The following CD38 variants were observed in gnomAD, a reference collection of about 807,000 sequenced individuals.
CD38 encodes CD38 molecule, also known as ADP-ribosyl cyclase/cyclic ADP-ribose hydrolase 1.
A neutral mutation model predicts 36.3 loss-of-function variants in CD38; 31 were observed. That is an observed-to-expected ratio of 0.85 (90% CI 0.64 to 1.15). The LOEUF is 1.15. Among genes scored for constraint, CD38 ranks in the 50% most tolerant of loss-of-function variants. The pLI, the probability that CD38 is intolerant of heterozygous loss-of-function variation, is 0.00. For synonymous variants in CD38, 131 were observed against 135.2 expected (o/e 0.97, Z 0.22); for missense variants, 380 against 371.9 (o/e 1.02, Z -0.18).
intron 1 of CD38, among the ~76,000 whole-genome samples, chr4:15,798,529 A>G (rs1723147894): frequency 6.6e-6 from 1 of 152,238 alleles, no homozygotes; most frequent in African/African-American, 2.4e-5. Flanking sequence ...GGTATAAAAG[A>G]GGCTTGAGAA....
At chr4:15,816,022 CAT>C (rs1409079063) in intron 1 of CD38, among the ~76,000 whole-genome samples, 23 of 152,082 alleles carry the variant, frequency 1.5e-4, no homozygotes, top group African/African-American at 5.3e-4. Flanking sequence ...TTGAGATAAT[CAT>C]GTGATTTTTT....
chr4:15,818,347 C>A (rs528200755), intron 2 of CD38, among the ~76,000 whole-genome samples: 1 of 152,172 alleles, frequency 6.6e-6, no homozygotes, highest in Non-Finnish European at 1.5e-5. Context: ...CAGGGGCTTA[C>A]AGACAAAACC....
chr4:15,825,057 G>T, intron 3 of CD38, 41 bp downstream of exon 3: 1 of 1,564,942 alleles, frequency 6.4e-7, no homozygotes, highest in East Asian at 2.4e-5. Flanking sequence ...GGGATGTGGA[G>T]GGTGAACAGA....
chr4:15,790,147 C>CTCTCCT (rs1722931348), intron 1 of CD38, among the ~76,000 whole-genome samples: 1 of 45,196 alleles, frequency 2.2e-5, no homozygotes, highest in Non-Finnish European at 3.8e-5. Context: ...CTCCCTCTCC[C>CTCTCCT]TCTCCCTCTC....
chr4:15,802,016 G>A (rs1243274016), intron 1 of CD38, among the ~76,000 whole-genome samples: 3 of 152,090 alleles, frequency 2.0e-5, no homozygotes, highest in African/African-American at 7.2e-5. Context: ...GACCATGTTT[G>A]CAGATGACAT....
chr4:15,816,297 G>A (rs1723592308), intron 1 of CD38, among the ~76,000 whole-genome samples: 1 of 152,098 alleles, frequency 6.6e-6, no homozygotes, highest in South Asian at 2.1e-4. Context: ...TTATGGAGGA[G>A]TCCCTCTTTT....
At chr4:15,805,972 A>T (rs1723332230) in intron 1 of CD38, among the ~76,000 whole-genome samples, 1 of 152,178 alleles carries the variant, frequency 6.6e-6, no homozygotes, top group Non-Finnish European at 1.5e-5. Flanking sequence ...GCTTTTAGGC[A>T]AGAGGATTTA....
intron 1 of CD38, among the ~76,000 whole-genome samples, chr4:15,790,754 C>G (rs542826739): frequency 3.1e-4 from 47 of 151,028 alleles, no homozygotes; most frequent in African/African-American, 1.1e-3. Context: ...CCGCCGCCAT[C>G]CCATCTAGGA....
At chr4:15,821,314 G>C (rs956580877) in intron 2 of CD38, among the ~76,000 whole-genome samples, 5 of 151,776 alleles carry the variant, frequency 3.3e-5, no homozygotes, top group Admixed American at 3.3e-4. Context: ...CCCAAAGCTA[G>C]CAGAAGACAA....
At chr4:15,789,376 A>C (rs6849253) in intron 1 of CD38, among the ~76,000 whole-genome samples, 6,022 of 152,242 alleles carry the variant, frequency 0.04, 379 homozygotes, top group African/African-American at 0.13. Flanking sequence ...TTTACAACTT[A>C]CTCATTTATG....
intron 1 of CD38, among the ~76,000 whole-genome samples, chr4:15,781,542 C>A (rs933481972): frequency 6.6e-6 from 1 of 152,210 alleles, no homozygotes; most frequent in South Asian, 2.1e-4. Context: ...GTTGATGTTG[C>A]AGCTGGAGTC....
intron 3 of CD38, among the ~76,000 whole-genome samples, chr4:15,831,349 T>G (rs1723954307): frequency 6.6e-6 from 1 of 152,222 alleles, no homozygotes; most frequent in African/African-American, 2.4e-5. Context: ...TCTGTGGTTT[T>G]CTGTGTACTT....
intron 7 of CD38, among the ~76,000 whole-genome samples, chr4:15,841,219 A>G (rs1288262562): frequency 6.6e-6 from 1 of 152,216 alleles, no homozygotes; most frequent in Non-Finnish European, 1.5e-5. Flanking sequence ...CATTGGTAGA[A>G]GCATCTTTGG....
intron 5 of CD38, 63 bp from the exon 6 acceptor site, chr4:15,839,963 A>AG (rs1400316548): frequency 4.7e-6 from 5 of 1,071,716 alleles, no homozygotes; most frequent in African/African-American, 3.1e-5. Context: ...CTGGTTGTTG[A>AG]GGGGGGTGTG....
At chr4:15,785,960 T>A (rs898797194) in intron 1 of CD38, among the ~76,000 whole-genome samples, 1 of 152,194 alleles carries the variant, frequency 6.6e-6, no homozygotes, top group East Asian at 1.9e-4. Flanking sequence ...CTGCAGACCT[T>A]CACGGTGAGT....
At chr4:15,839,651 C>T (rs902061413) in intron 5 of CD38, among the ~76,000 whole-genome samples, 2 of 151,866 alleles carry the variant, frequency 1.3e-5, no homozygotes, top group African/African-American at 4.8e-5. Flanking sequence ...TCTCGATCCC[C>T]TGGCATCATG....
chr4:15,783,092 G>A (rs778684390), intron 1 of CD38, among the ~76,000 whole-genome samples: 2 of 152,146 alleles, frequency 1.3e-5, no homozygotes, highest in African/African-American at 2.4e-5. Flanking sequence ...CCACACACAA[G>A]AGCTGCCTTC....
intron 1 of CD38, among the ~76,000 whole-genome samples, chr4:15,791,508 G>A: frequency 1.6e-5 from 1 of 63,930 alleles, no homozygotes; most frequent in Admixed American, 1.1e-4. Flanking sequence ...CCGGCCAGCC[G>A]CCCAGTCCGG....
intron 4 of CD38, 134 bp from the exon 5 acceptor site, chr4:15,837,958 C>T: frequency 1.5e-6 from 1 of 676,044 alleles, no homozygotes; most frequent in Admixed American, 2.6e-5. Context: ...ATTGTGTAGA[C>T]CTGACATTCC....
Sources: gnomAD v4.1 joint callset for allele counts (sites outside exome capture counted in the v4.1 genomes callset) on GRCh38, gnomAD v4.1.1 for gene constraint, MANE v1.5 for transcripts, NCBI Gene and HGNC (gene_info 2026-07-23, HGNC 2026-07-21) for gene names.